Variants in ELMO1 observed in about 807,000 individuals in gnomAD.
The protein encoded by ELMO1 is engulfment and cell motility 1, also known as engulfment and cell motility protein 1.
A neutral mutation model predicts 98.9 loss-of-function variants in ELMO1; 26 were observed. The ratio of observed to expected loss-of-function variants is 0.26; its 90% confidence interval spans 0.19 to 0.36. The LOEUF is 0.36. Among genes scored for constraint, ELMO1 ranks in the 10% least tolerant of loss-of-function variants. ELMO1 has a pLI of 1.00. For synonymous variants in ELMO1, 346 were observed against 346.0 expected (o/e 1.00, Z 0.00); for missense variants, 627 against 935.2 (o/e 0.67, Z 4.30).
At chr7:36,926,827 T>G (rs1364173824) in intron 16 of ELMO1, among the ~76,000 whole-genome samples, 5 of 152,258 alleles carry the variant, frequency 3.3e-5, no homozygotes, top group Non-Finnish European at 7.3e-5. Context: ...TCTATATTCC[T>G]AATGCAACAG....
Position 37,210,942 on chromosome 7 carries a change from T to TA in ELMO1, c.1086+443dup, listed in dbSNP as rs776466234. 28 of 162,290 alleles carry TA rather than the reference T, an allele frequency of 1.7e-4. No homozygotes were observed. The East Asian group carries it at 2.5e-3, about 14-fold the overall frequency. 10.1% of individuals were successfully genotyped at this position (162,290 alleles called of 1,614,324 possible). ...GCAAGAGAGACCTTTTAAGAAAACA[T>TA]AAATTGTGTTAATGTCATCAGGATT... On this transcript the variant is annotated intron_variant, in intron 13 of 21. Transcript: ENST00000310758.
intron 4 of ELMO1, among the ~76,000 whole-genome samples, chr7:37,288,109 ACCACCACAC>A (rs1412632687): frequency 2.6e-5 from 4 of 151,896 alleles, no homozygotes; most frequent in African/African-American, 9.7e-5. Flanking sequence ...ACAGGTGTGC[ACCACCACAC>A]CCAGCTAATT....
At chr7:36,898,356 C>T (rs1371074301) in intron 16 of ELMO1, among the ~76,000 whole-genome samples, 2 of 152,184 alleles carry the variant, frequency 1.3e-5, no homozygotes. Context: ...AGAAAGCACG[C>T]TCTTAGAATC....
intron 13 of ELMO1, among the ~76,000 whole-genome samples, chr7:37,185,196 C>A (rs1791128364): frequency 6.6e-6 from 1 of 152,206 alleles, no homozygotes; most frequent in Admixed American, 6.5e-5. Flanking sequence ...TTATTCTTAG[C>A]AGAGCAGCAG....
chr7:37,009,803 C>T (rs1793420084), intron 16 of ELMO1, among the ~76,000 whole-genome samples: 1 of 152,178 alleles, frequency 6.6e-6, no homozygotes, highest in Non-Finnish European at 1.5e-5. Flanking sequence ...TTTTTAAAGA[C>T]ATTTCTGAAT....
At chr7:36,978,158 T>G (rs1266393415) in intron 16 of ELMO1, among the ~76,000 whole-genome samples, 1 of 152,136 alleles carries the variant, frequency 6.6e-6, no homozygotes, top group African/African-American at 2.4e-5. Flanking sequence ...AATGAATGTT[T>G]CTGAACCTCA....
intron 4 of ELMO1, among the ~76,000 whole-genome samples, chr7:37,301,268 G>A (rs930548881): frequency 1.3e-5 from 2 of 151,498 alleles, no homozygotes; most frequent in Admixed American, 6.6e-5. Flanking sequence ...GAAGGAAAAG[G>A]GCCAGAGGAG....
rs150348909 is a variant in ELMO1 at position 37,233,107 on chromosome 7, C to T, written c.537G>A (p.Ala179=). 290 of 1,613,164 alleles carry T rather than the reference C, an allele frequency of 1.8e-4. No homozygotes were observed. In the African/African-American group the frequency reaches 2.7e-3, roughly 15 times the overall value. The change falls in exon 8 of 22, where the codon GCG becomes GCA. Residue 179 remains alanine (A), a synonymous_variant. Transcript: ENST00000310758. The part of the protein sequence containing the change: ...GIVSWDTFSV[A]FIKKIASFVN... ...GAGTCCACCTTACCTTCTTAATGAA[C>T]GCCACCGAAAATGTATCCCAGGACA...
At chr7:36,879,585 T>A (rs1804256444) in intron 18 of ELMO1, among the ~76,000 whole-genome samples, 1 of 152,216 alleles carries the variant, frequency 6.6e-6, no homozygotes, top group Admixed American at 6.5e-5. Context: ...AGCCACACAA[T>A]GAACAAAGAA....
chr7:37,173,835 CG>C, intron 13 of ELMO1, among the ~76,000 whole-genome samples: 1 of 152,210 alleles, frequency 6.6e-6, no homozygotes, highest in Non-Finnish European at 1.5e-5. Context: ...AGTGTCTGCT[CG>C]GCTGGCTTTA....
At chr7:37,282,535 C>A (rs1797192804) in intron 4 of ELMO1, among the ~76,000 whole-genome samples, 2 of 152,178 alleles carry the variant, frequency 1.3e-5, no homozygotes, top group Admixed American at 1.3e-4. Flanking sequence ...CTAAGTTACA[C>A]AGCAATGTCT....
intron 13 of ELMO1, among the ~76,000 whole-genome samples, chr7:37,188,228 A>G (rs1791333687): frequency 6.6e-6 from 1 of 152,122 alleles, no homozygotes; most frequent in Non-Finnish European, 1.5e-5. Flanking sequence ...GATTTGACCA[A>G]AACCAATCAA....
chr7:37,004,256 T>C (rs551746484), intron 16 of ELMO1, among the ~76,000 whole-genome samples: 72 of 152,318 alleles, frequency 4.7e-4, no homozygotes, highest in African/African-American at 1.6e-3. Context: ...TCTGTGACAT[T>C]ATCAAACCTT....
chr7:37,016,769 A>G (rs549295372), intron 15 of ELMO1, among the ~76,000 whole-genome samples: 2 of 152,344 alleles, frequency 1.3e-5, no homozygotes, highest in African/African-American at 4.8e-5. Context: ...AGATATTACT[A>G]ACTTCTTTTT....
chr7:37,395,364 T>G (rs537073196), intron 1 of ELMO1, among the ~76,000 whole-genome samples: 12 of 71,696 alleles, frequency 1.7e-4, no homozygotes, highest in African/African-American at 6.3e-4. Flanking sequence ...TGAAACTCCA[T>G]CTCAAAAAAA....
intron 8 of ELMO1, among the ~76,000 whole-genome samples, chr7:37,228,581 G>A (rs888770466): frequency 8.5e-5 from 13 of 152,204 alleles, no homozygotes; most frequent in Non-Finnish European, 1.9e-4. Context: ...GGCTAAATAA[G>A]AGAAATACTT....
chr7:37,204,602 C>T (rs932350961), intron 13 of ELMO1, among the ~76,000 whole-genome samples: 3 of 152,196 alleles, frequency 2.0e-5, no homozygotes, highest in Non-Finnish European at 2.9e-5. Context: ...CCGCTGCTGG[C>T]GCAGGTGGCC....
intron 14 of ELMO1, among the ~76,000 whole-genome samples, chr7:37,128,375 G>A (rs1041290664): frequency 1.3e-5 from 2 of 152,086 alleles, no homozygotes; most frequent in Non-Finnish European, 1.5e-5. Flanking sequence ...CCATTCCTCT[G>A]GTCTGGAAAG....
At chr7:37,086,039 G>A (rs1355306766) in intron 15 of ELMO1, among the ~76,000 whole-genome samples, 2 of 152,180 alleles carry the variant, frequency 1.3e-5, no homozygotes, top group African/African-American at 2.4e-5. Flanking sequence ...GAAGAATTAG[G>A]CGGCAGTGCG....
Sources: gnomAD v4.1 joint callset for allele counts (sites outside exome capture counted in the v4.1 genomes callset) on GRCh38, gnomAD v4.1.1 for gene constraint, MANE v1.5 for transcripts, NCBI Gene and HGNC (gene_info 2026-07-23, HGNC 2026-07-21) for gene names.